The following CDH12 variants were observed in gnomAD, a reference collection of about 807,000 sequenced individuals.
The protein encoded by CDH12 is cadherin 12, also known as cadherin-12.
Under a neutral mutation model 74.1 loss-of-function variants are expected in CDH12, and 41 were observed. That is an observed-to-expected ratio of 0.55 (90% confidence interval 0.43 to 0.72). The LOEUF (loss-of-function observed/expected upper bound fraction) is 0.72, where lower values mean the gene tolerates loss of function less well. Among genes scored for constraint, CDH12 ranks in the 30% least tolerant of loss-of-function variants. The probability of loss-of-function intolerance (pLI) is 0.00; values close to 1 mark genes in which losing one functional copy is unlikely to be tolerated. For missense variants in CDH12, 945 were observed against 977.2 expected (o/e 0.97, Z 0.44); for synonymous variants, 399 against 355.0 (o/e 1.12, Z -1.39).
chr5:22,843,071 A>C (rs541163115), intron 1 of CDH12, among the ~76,000 whole-genome samples: 1 of 152,214 alleles, frequency 6.6e-6, no homozygotes, highest in African/African-American at 2.4e-5. Flanking sequence ...AAAGAATAGA[A>C]GAGTAAATGC....
chr5:22,377,503 C>A (rs1028062901), intron 3 of CDH12, among the ~76,000 whole-genome samples: 2 of 152,080 alleles, frequency 1.3e-5, no homozygotes, highest in East Asian at 3.9e-4. Flanking sequence ...TGAGAGAGAG[C>A]AAGGCGACAA....
At chr5:22,441,895 G>C (rs575073022) in intron 2 of CDH12, among the ~76,000 whole-genome samples, 237 of 151,858 alleles carry the variant, frequency 1.6e-3, no homozygotes, top group African/African-American at 5.6e-3. Context: ...GTAGAGACAG[G>C]GTTTCACCAT....
At position 22,482,182 on chromosome 5, in the gene CDH12, T is replaced by C. The variant is rs79248143; in HGVS notation, c.-428+23088A>G. 6.6e-3 allele frequency among the ~76,000 whole-genome samples: 1,010 copies of C among 152,228 alleles called. 12 individuals are homozygous for C. The highest frequency in any genetic ancestry group is 0.023 in the African/African-American group (945 of 41,556). The stretch of plus-strand genomic sequence containing the variant: ...ACCAACTAAGAGTCCTAATTTTATA[T>C]GTTATTTGGTAGGCCGTCATATTTC... On this transcript the variant is annotated intron_variant, in intron 2 of 14. Transcript: ENST00000382254.
chr5:22,266,236 C>T (rs968649019), intron 3 of CDH12, among the ~76,000 whole-genome samples: 4 of 151,910 alleles, frequency 2.6e-5, no homozygotes, highest in South Asian at 2.1e-4. Flanking sequence ...CCACCACGAC[C>T]GGCTAATTTT....
intron 11 of CDH12, among the ~76,000 whole-genome samples, chr5:21,772,819 T>C (rs1296014310): frequency 6.6e-6 from 1 of 152,180 alleles, no homozygotes; most frequent in Non-Finnish European, 1.5e-5. Context: ...TTTCAACCTT[T>C]AGGTGAAAAG....
At chr5:22,180,409 C>T (rs1241160515) in intron 4 of CDH12, among the ~76,000 whole-genome samples, 4 of 152,096 alleles carry the variant, frequency 2.6e-5, no homozygotes, top group Non-Finnish European at 4.4e-5. Context: ...TTTTACAGTA[C>T]ATCAATCATC....
chr5:22,852,582 A>G (rs1403466257), intron 1 of CDH12, among the ~76,000 whole-genome samples: 1 of 152,168 alleles, frequency 6.6e-6, no homozygotes, highest in Non-Finnish European at 1.5e-5. Flanking sequence ...TTACAGTGGT[A>G]TTTTTCAAAT....
At chr5:21,925,793 G>A in intron 6 of CDH12, among the ~76,000 whole-genome samples, 1 of 152,094 alleles carries the variant, frequency 6.6e-6, no homozygotes, top group East Asian at 1.9e-4. Context: ...TAATAAGAGT[G>A]AGTATATGCA....
At chr5:22,563,836 C>T (rs1739174512) in intron 1 of CDH12, among the ~76,000 whole-genome samples, 2 of 152,094 alleles carry the variant, frequency 1.3e-5, no homozygotes, top group East Asian at 1.9e-4. Context: ...AAAGAGAGGG[C>T]TTGTGCAGAG....
chr5:22,796,599 A>T lies in CDH12; in HGVS notation c.-523+56459T>A, dbSNP rs1178753797. Reference sequence around the variant, plus strand: ...CAGTGGCGGGATCTCGGCTCACTGCAAGCTCCGCCTCCCGGGTTCACGCCA... The same window carrying T: ...CAGTGGCGGGATCTCGGCTCACTGCTAGCTCCGCCTCCCGGGTTCACGCCA... On this transcript the variant is annotated intron_variant, in intron 1 of 14. Transcript: ENST00000382254. Among the ~76,000 whole-genome samples, 6 of 128,670 alleles carry T rather than the reference A, an allele frequency of 4.7e-5. 1 individual carries two copies. The East Asian group carries it at 1.2e-3, about 25-fold the overall frequency. The allele number at this position is 128,670 out of a possible 152,430, so 84.4% of individuals were successfully genotyped here.
At position 21,960,648 on chromosome 5, in the gene CDH12, G is replaced by A. The variant is rs560643172; in HGVS notation, c.526+14443C>T. 1.8e-3 allele frequency among the ~76,000 whole-genome samples: 271 copies of A among 152,124 alleles called. 2 individuals carry two copies. Among genetic ancestry groups the A allele is most frequent in the African/African-American group, 6.4e-3 (265 of 41,504 alleles). ...ATCATTTCTACCAGTGTGAGAATAT[G>A]TATTCCTCACCTTTACTGGGATTCA... On this transcript the variant is annotated intron_variant, in intron 6 of 14. Coordinates refer to ENST00000382254, the MANE Select transcript of CDH12 (RefSeq NM_004061.5).
chr5:22,043,818 A>C (rs954861740), intron 5 of CDH12, among the ~76,000 whole-genome samples: 3 of 152,142 alleles, frequency 2.0e-5, no homozygotes, highest in African/African-American at 7.2e-5. Flanking sequence ...CTACCTAAAA[A>C]ATATTTTTAA....
At chr5:21,915,879 T>G (rs576153862) in intron 6 of CDH12, among the ~76,000 whole-genome samples, 1 of 145,986 alleles carries the variant, frequency 6.8e-6, no homozygotes, top group Admixed American at 7.0e-5. Context: ...TTAAAAGAAG[T>G]GAACAATATA....
chr5:22,614,015 C>A (rs1737556722), intron 1 of CDH12, among the ~76,000 whole-genome samples: 1 of 152,084 alleles, frequency 6.6e-6, no homozygotes, highest in Non-Finnish European at 1.5e-5. Flanking sequence ...TTCTTCTTCA[C>A]ATATTTTGCT....
intron 3 of CDH12, among the ~76,000 whole-genome samples, chr5:22,239,506 A>G (rs1193456985): frequency 6.6e-6 from 1 of 152,186 alleles, no homozygotes; most frequent in African/African-American, 2.4e-5. Flanking sequence ...GTTAAAATAC[A>G]TGAAAATTAA....
At chr5:22,750,604 G>A (rs1395122616) in intron 1 of CDH12, among the ~76,000 whole-genome samples, 1 of 152,150 alleles carries the variant, frequency 6.6e-6, no homozygotes, top group Non-Finnish European at 1.5e-5. Flanking sequence ...GTCAAAACTG[G>A]AAAGCTCTGA....
intron 5 of CDH12, among the ~76,000 whole-genome samples, chr5:21,981,362 C>T (rs1757298502): frequency 6.6e-6 from 1 of 151,854 alleles, no homozygotes; most frequent in Non-Finnish European, 1.5e-5. Context: ...ACCTCCTAGT[C>T]TATATATTTT....
intron 10 of CDH12, among the ~76,000 whole-genome samples, chr5:21,796,743 A>G (rs1414761995): frequency 6.6e-6 from 1 of 152,120 alleles, no homozygotes; most frequent in Non-Finnish European, 1.5e-5. Context: ...AGTGGTACAT[A>G]TTGAGCAAAA....
chr5:22,494,962 A>G (rs796584714), intron 2 of CDH12, among the ~76,000 whole-genome samples: 6 of 152,342 alleles, frequency 3.9e-5, no homozygotes, highest in African/African-American at 1.4e-4. Flanking sequence ...AAATGAGACG[A>G]TAATTAAACT....
Sources: gnomAD v4.1 joint callset for allele counts (sites outside exome capture counted in the v4.1 genomes callset) on GRCh38, gnomAD v4.1.1 for gene constraint, MANE v1.5 for transcripts, NCBI Gene and HGNC (gene_info 2026-07-23, HGNC 2026-07-21) for gene names.